RGS6: variants seen among roughly 807,000 people sequenced by gnomAD.
The protein encoded by RGS6 is regulator of G-protein signaling 6.
In RGS6, 30 loss-of-function variants were observed where a neutral mutation model predicts 78.5. The observed-to-expected ratio is 0.38, with a 90% CI of 0.29 to 0.52. The LOEUF is 0.52. Among genes scored for constraint, RGS6 ranks in the 20% least tolerant of loss-of-function variants. RGS6 has a pLI of 0.85. For missense variants in RGS6, 495 were observed against 609.7 expected (o/e 0.81, Z 1.98); for synonymous variants, 206 against 206.0 (o/e 1.00, Z 0.00).
chr14:72,358,012 T>C (rs2080696581), intron 3 of RGS6, among the ~76,000 whole-genome samples: 1 of 152,124 alleles, frequency 6.6e-6, no homozygotes, highest in Non-Finnish European at 1.5e-5. Flanking sequence ...CTGCTCCAGC[T>C]ATAGTTAAAA....
chr14:72,417,789 A>C (rs2093929303), intron 3 of RGS6, among the ~76,000 whole-genome samples: 1 of 152,212 alleles, frequency 6.6e-6, no homozygotes, highest in South Asian at 2.1e-4. Flanking sequence ...GCTTGACATA[A>C]TCAGAGCTAT....
At chr14:72,290,205 C>T (rs1412017569) in intron 2 of RGS6, among the ~76,000 whole-genome samples, 1 of 152,128 alleles carries the variant, frequency 6.6e-6, no homozygotes, top group African/African-American at 2.4e-5. Context: ...GACTGATCTC[C>T]GAGTTCAAGC....
chr14:71,987,961 C>G (rs1462084652), intron 2 of RGS6, among the ~76,000 whole-genome samples: 1 of 152,138 alleles, frequency 6.6e-6, no homozygotes, highest in Admixed American at 6.5e-5. Context: ...TATCGCACTT[C>G]CCTTAGCTTG....
At chr14:72,112,677 A>G (rs2095795957) in intron 2 of RGS6, among the ~76,000 whole-genome samples, 1 of 152,224 alleles carries the variant, frequency 6.6e-6, no homozygotes, top group African/African-American at 2.4e-5. Flanking sequence ...GAGGAATGTC[A>G]TCACCATTTT....
intron 2 of RGS6, among the ~76,000 whole-genome samples, chr14:71,982,377 G>A (rs2094508384): frequency 6.6e-6 from 1 of 152,110 alleles, no homozygotes; most frequent in Non-Finnish European, 1.5e-5. Flanking sequence ...ATCATTTACG[G>A]CTCTAGGACA....
intron 3 of RGS6, among the ~76,000 whole-genome samples, chr14:72,380,117 A>G (rs1435972388): frequency 6.6e-6 from 1 of 152,094 alleles, no homozygotes; most frequent in Non-Finnish European, 1.5e-5. Context: ...AGATATCCAT[A>G]TACAGAAGAA....
At chr14:72,620,733 C>T in the RGS6 span, among the ~76,000 whole-genome samples, 1 of 152,366 alleles carries the variant, frequency 6.6e-6, no homozygotes, top group African/African-American at 2.4e-5. Flanking sequence ...TAATCTACCT[C>T]AACTGGAAGT....
intron 6 of RGS6, among the ~76,000 whole-genome samples, chr14:72,460,020 T>TA (rs1406872338): frequency 6.6e-6 from 1 of 152,198 alleles, no homozygotes; most frequent in Non-Finnish European, 1.5e-5. Context: ...TTTCCAGGGA[T>TA]AGGGCTTCAG....
the RGS6 span, chr14:72,619,317 C>A: frequency 6.5e-7 from 1 of 1,536,140 alleles, no homozygotes; most frequent in South Asian, 1.2e-5. Flanking sequence ...CAGCCAAAGG[C>A]TGAGGCTTTC....
intron 2 of RGS6, among the ~76,000 whole-genome samples, chr14:72,133,895 A>G (rs1325766801): frequency 6.6e-6 from 1 of 151,994 alleles, no homozygotes; most frequent in African/African-American, 2.4e-5. Flanking sequence ...CCAGTCTTTC[A>G]CCCTTACCAG....
At chr14:72,242,918 G>A (rs373094737) in intron 2 of RGS6, among the ~76,000 whole-genome samples, 3 of 124,834 alleles carry the variant, frequency 2.4e-5, no homozygotes, top group Non-Finnish European at 3.1e-5. Context: ...GTGCAATCTC[G>A]GCTCACTGTA....
chr14:72,564,365 G>A lies in RGS6; in HGVS notation c.*1898G>A, dbSNP rs1242203604. The A allele has an allele frequency of 6.6e-6, 1 of 152,228 alleles. No individual in the cohort carries two copies. Among genetic ancestry groups the A allele is most frequent in the Non-Finnish European group, 1.5e-5 (1 of 68,060 alleles). 9.4% of individuals were successfully genotyped at this position (152,228 alleles called of 1,614,324 possible). A position where few individuals can be genotyped will look rare whatever the true frequency, so the allele number is the denominator to read the frequency against. On this transcript the variant is annotated 3_prime_UTR_variant, in exon 18 of 18. Transcript: ENST00000553525. The stretch of plus-strand genomic sequence containing the variant: ...CAGCACAGAGGCTGGTACTTTGGAG[G>A]CACTAACCACTTGATGAGTAAATCA...
At chr14:72,447,326 T>C (rs752405945) in intron 3 of RGS6, among the ~76,000 whole-genome samples, 1 of 152,180 alleles carries the variant, frequency 6.6e-6, no homozygotes, top group Admixed American at 6.5e-5. Flanking sequence ...GAAAAGCTGC[T>C]GGGCAGAGGT....
At chr14:72,465,870 A>C (rs926562346) in intron 7 of RGS6, 48 bp downstream of exon 7, 1 of 1,435,582 alleles carries the variant, frequency 7.0e-7, no homozygotes, top group African/African-American at 1.4e-5. Context: ...GAGTAAAATC[A>C]TATCTGCAGC....
At chr14:72,187,194 A>G (rs2097259408) in intron 2 of RGS6, among the ~76,000 whole-genome samples, 1 of 152,214 alleles carries the variant, frequency 6.6e-6, no homozygotes, top group Admixed American at 6.5e-5. Context: ...AACATCAAGA[A>G]ACTTGAGCCT....
intron 17 of RGS6, chr14:72,540,340 GC>G: frequency 6.8e-7 from 1 of 1,460,964 alleles, no homozygotes; most frequent in Non-Finnish European, 9.0e-7. Flanking sequence ...CCAGCCTCAG[GC>G]CTGGGCATTT....
At chr14:72,247,393 A>G (rs2054500578) in intron 2 of RGS6, among the ~76,000 whole-genome samples, 3 of 152,186 alleles carry the variant, frequency 2.0e-5, no homozygotes, top group South Asian at 4.1e-4. Context: ...TGCAAACTTC[A>G]TTATCCTCTC....
intron 6 of RGS6, among the ~76,000 whole-genome samples, chr14:72,461,636 G>A (rs1365052445): frequency 6.6e-6 from 1 of 152,106 alleles, no homozygotes; most frequent in Non-Finnish European, 1.5e-5. Flanking sequence ...AAGCTGCAGT[G>A]AGCTATGATT....
At chr14:72,460,720 A>G (rs1259693610) in intron 6 of RGS6, among the ~76,000 whole-genome samples, 3 of 152,082 alleles carry the variant, frequency 2.0e-5, no homozygotes, top group African/African-American at 4.8e-5. Flanking sequence ...GGGACACTCA[A>G]TGAGACCTGC....
Sources: gnomAD v4.1 joint callset for allele counts (sites outside exome capture counted in the v4.1 genomes callset) on GRCh38, gnomAD v4.1.1 for gene constraint, MANE v1.5 for transcripts, NCBI Gene and HGNC (gene_info 2026-07-23, HGNC 2026-07-21) for gene names.